The following SFSWAP variants were observed in gnomAD, a reference collection of about 807,000 sequenced individuals.
SFSWAP encodes the protein splicing factor SWAP.
Under a neutral mutation model 100.7 loss-of-function variants are expected in SFSWAP, and 17 were observed. That is an observed-to-expected ratio of 0.17 (90% CI 0.12 to 0.25). SFSWAP has a LOEUF of 0.25. SFSWAP is among the 10% of genes least tolerant of loss of function. The probability of loss-of-function intolerance (pLI) is 1.00; values close to 1 mark genes in which losing one functional copy is unlikely to be tolerated. For missense variants in SFSWAP, 1,005 were observed against 1,262.6 expected (o/e 0.80, Z 3.09); for synonymous variants, 504 against 510.1 (o/e 0.99, Z 0.16).
At chr12:131,775,580 C>T (rs1179115954) in intron 13 of SFSWAP, among the ~76,000 whole-genome samples, 1 of 152,188 alleles carries the variant, frequency 6.6e-6, no homozygotes, top group Non-Finnish European at 1.5e-5. Flanking sequence ...AGAATGGAAG[C>T]CCTCTCCCTT....
chr12:131,793,092 CTT>C (rs555447552), intron 15 of SFSWAP, among the ~76,000 whole-genome samples: 2 of 146,224 alleles, frequency 1.4e-5, no homozygotes, highest in East Asian at 2.0e-4. Flanking sequence ...AAAGGAAAGT[CTT>C]TTTTTTTTTT....
In SFSWAP at chr12:131,734,911, G is replaced by A. The variant is rs894900024; in HGVS notation, c.1081+6483G>A. 7.9e-5 allele frequency among the ~76,000 whole-genome samples: 12 copies of A among 152,056 alleles called. No homozygotes were observed. The highest frequency in any genetic ancestry group is 2.7e-4 in the African/African-American group (11 of 41,378). ...CAGCCGGCATGGCGCATGGGGGTGGGGTGGGGCAGTGAGGGGGGGCCCGCT... is the reference window on the plus strand; with the variant it reads ...CAGCCGGCATGGCGCATGGGGGTGGAGTGGGGCAGTGAGGGGGGGCCCGCT... On this transcript the variant is annotated intron_variant, in intron 7 of 17. Coordinates refer to ENST00000261674, the MANE Select transcript of SFSWAP (RefSeq NM_004592.4). This position sits in a 1 kb window ranked among gnomAD's most constrained non-coding sequence, Gnocchi z 4.9.
chr12:131,711,397 G>C lies in SFSWAP; in HGVS notation c.168G>C (p.Gln56His), dbSNP rs752001195. Reference protein sequence around the residue: ...RDDERALAQEQGQHLIPWMGD... With the variant: ...RDDERALAQEHGQHLIPWMGD... Reference sequence around the variant, plus strand: ...ACGAGCGGGCCCTGGCTCAGGAACAGGGACAGCACCTCATCCCCTGGATGG... The same window carrying C: ...ACGAGCGGGCCCTGGCTCAGGAACACGGACAGCACCTCATCCCCTGGATGG... The change falls in exon 1 of 18, where the codon CAG becomes CAC. Residue 56 changes from glutamine to histidine, a missense_variant. Gln to His is a conservative substitution (Grantham distance 24). Around this residue, in one of 7 missense-constraint regions of SFSWAP, gnomAD observed 237 missense variants for 337.0 expected, o/e 0.70. Transcript: ENST00000261674. The surrounding 1 kb of genome is among the most constrained non-coding windows in gnomAD (Gnocchi z 4.9). 7.4e-6 allele frequency: 12 copies of C among 1,613,772 alleles called. No individual in the cohort carries two copies. Among genetic ancestry groups the C allele is most frequent in the South Asian group, 1.1e-5 (1 of 91,094 alleles).
Position 131,726,939 on chromosome 12 carries a change from G to C in SFSWAP, c.833-1G>C. On this transcript the variant is annotated splice_acceptor_variant, in intron 5 of 17. Transcript: ENST00000261674. LOFTEE classifies it high-confidence loss of function. The stretch of plus-strand genomic sequence containing the variant: ...ATCTTGAAATGTGATTTTGATTTCA[G>C]AATCAGGAGTCAGCTCTGACAATGA... 1.3e-6 allele frequency: 2 copies of C among 1,548,952 alleles called. No individual in the cohort carries two copies. The highest frequency in any genetic ancestry group is 2.7e-5 in the African/African-American group (2 of 73,228).
At chr12:131,722,130 A>G (rs1219344611) in intron 4 of SFSWAP, among the ~76,000 whole-genome samples, 2 of 152,246 alleles carry the variant, frequency 1.3e-5, no homozygotes, top group Non-Finnish European at 2.9e-5. Flanking sequence ...ACTCACTGAC[A>G]AGAGAAGATT....
intron 4 of SFSWAP, among the ~76,000 whole-genome samples, chr12:131,721,168 G>A (rs963561679): frequency 1.3e-5 from 2 of 152,106 alleles, no homozygotes; most frequent in Admixed American, 6.5e-5. Context: ...GAGATGGTGC[G>A]AAACTATTCA....
chr12:131,799,521 G>A lies in SFSWAP; in HGVS notation c.*33G>A. The A allele has an allele frequency of 6.2e-7, 1 of 1,605,432 alleles. No homozygotes were observed. The highest frequency in any genetic ancestry group is 1.3e-5 in the African/African-American group (1 of 74,750). The stretch of plus-strand genomic sequence containing the variant: ...CCAGCGGAGGCAGAGCCGGGAGGCT[G>A]CGTGGGCTTCTGGGCAGGCTCACGC... On this transcript the variant is annotated 3_prime_UTR_variant, in exon 18 of 18. Transcript: ENST00000261674.
chr12:131,751,882 C>T (rs1029428548), intron 7 of SFSWAP, among the ~76,000 whole-genome samples: 1 of 152,174 alleles, frequency 6.6e-6, no homozygotes, highest in African/African-American at 2.4e-5. Context: ...TCTGTGTTGA[C>T]GATAATGTGG....
chr12:131,712,697 C>T (rs1275503262), intron 1 of SFSWAP: 1 of 152,194 alleles, frequency 6.6e-6, no homozygotes, highest in Non-Finnish European at 1.5e-5. Flanking sequence ...GGAATCAGAT[C>T]ATGTCTGGAT....
intron 8 of SFSWAP, chr12:131,753,580 TAA>T: frequency 5.0e-6 from 3 of 602,050 alleles, no homozygotes; most frequent in Non-Finnish European, 8.4e-6. Context: ...AAACCACTTA[TAA>T]AGTTGAATTC....
chr12:131,740,402 C>A (rs1177753014), intron 7 of SFSWAP, among the ~76,000 whole-genome samples: 1 of 152,218 alleles, frequency 6.6e-6, no homozygotes, highest in Non-Finnish European at 1.5e-5. Flanking sequence ...TGACCCAACA[C>A]ATCTGAGGAA....
At position 131,722,434 on chromosome 12, in the gene SFSWAP, G is replaced by A. The variant is rs114233619; in HGVS notation, c.606+2895G>A. ...AAATAATAGGCCAGTGTGGTGGCACGTGCCTGTAGTCCCAGACCTGTTAGG... is the reference window on the plus strand; with the variant it reads ...AAATAATAGGCCAGTGTGGTGGCACATGCCTGTAGTCCCAGACCTGTTAGG... On this transcript the variant is annotated intron_variant, in intron 4 of 17. Transcript: ENST00000261674. 4.6e-3 allele frequency among the ~76,000 whole-genome samples: 695 copies of A among 151,906 alleles called. 8 individuals carry two copies. Among genetic ancestry groups the A allele is most frequent in the African/African-American group, 0.016 (663 of 41,420 alleles).
rs534246413 is a variant in SFSWAP, at chr12:131,718,993, G to A, written c.521-461G>A. On this transcript the variant is annotated intron_variant, in intron 3 of 17. Transcript: ENST00000261674. ...TACAGTTAACCCTTGAACAACACAG[G>A]TTTGAATTGCGTAGGTCCGCTTGTA... Among the ~76,000 whole-genome samples, 4 of 152,284 alleles carry A rather than the reference G, an allele frequency of 2.6e-5. No individual in the cohort carries two copies. In the South Asian group the frequency reaches 6.2e-4, roughly 24 times the overall value.
rs370573203 is a variant in SFSWAP, at chr12:131,711,496, G to C, written c.218+49G>C. ...GATCCTTCCCTTCCCTCACCCGCTT[G>C]ATCTCGTCTGATGTTGACTTGACTG... On this transcript the variant is annotated intron_variant, in intron 1 of 17. Transcript: ENST00000261674. The surrounding 1 kb of genome is among the most constrained non-coding windows in gnomAD (Gnocchi z 4.9). 30 of 1,460,588 alleles carry C rather than the reference G, an allele frequency of 2.1e-5. No homozygotes were observed. Among genetic ancestry groups the C allele is most frequent in the East Asian group, 1.8e-4 (8 of 43,980 alleles). 90.5% of individuals were successfully genotyped at this position (1,460,588 alleles called of 1,614,324 possible). A position where few individuals can be genotyped will look rare whatever the true frequency, so the allele number is the denominator to read the frequency against.
chr12:131,719,172 G>A (rs751395164), intron 3 of SFSWAP, among the ~76,000 whole-genome samples: 3 of 152,242 alleles, frequency 2.0e-5, no homozygotes, highest in East Asian at 3.9e-4. Flanking sequence ...CCTAGAACCA[G>A]TCCCCTGCGT....
intron 12 of SFSWAP, among the ~76,000 whole-genome samples, chr12:131,765,565 T>C (rs1298068149): frequency 6.6e-6 from 1 of 152,036 alleles, no homozygotes; most frequent in African/African-American, 2.4e-5. Context: ...GGAGAATCGC[T>C]TGAACCCGGG....
At chr12:131,789,819 G>A (rs965868781) in intron 15 of SFSWAP, among the ~76,000 whole-genome samples, 15 of 152,190 alleles carry the variant, frequency 9.9e-5, no homozygotes, top group East Asian at 1.9e-4. Flanking sequence ...GCGACATTGC[G>A]TAGCTTCCCA....
At chr12:131,763,378 TA>T (rs1446745201) in intron 11 of SFSWAP, among the ~76,000 whole-genome samples, 1 of 152,196 alleles carries the variant, frequency 6.6e-6, no homozygotes, top group East Asian at 1.9e-4. Flanking sequence ...TCTTCATAAA[TA>T]ACAACTGATG....
At position 131,754,397 on chromosome 12, in the gene SFSWAP, C is replaced by T. The variant is rs760313634; in HGVS notation, c.1352C>T (p.Pro451Leu). ...SALAPVAAII[P>L]PPPDVQPVID... is the part of the protein sequence containing the mutation. ...CTTGCCCCCGTGGCCGCCATCATCC[C>T]CCCGCCCCCCGACGTCCAGCCCGTG... Residue 451 changes from proline to leucine, a missense_variant, in exon 9 of 18, where the codon CCC becomes CTC. By Grantham distance (98) the Pro-to-Leu change is moderately conservative. Coordinates refer to ENST00000261674, the MANE Select transcript of SFSWAP (RefSeq NM_004592.4). The T allele has an allele frequency of 1.3e-6, 2 of 1,593,854 alleles. No individual in the cohort carries two copies. Among genetic ancestry groups the T allele is most frequent in the Non-Finnish European group, 8.5e-7 (1 of 1,172,506 alleles).
Sources: allele counts gnomAD v4.1 joint callset (sites outside exome capture counted in the v4.1 genomes callset), GRCh38; gene constraint gnomAD v4.1.1; regional missense constraint gnomAD v4.1.1; non-coding constraint Gnocchi (gnomAD v3.1); transcripts MANE v1.5; gene names NCBI Gene and HGNC (gene_info 2026-07-23, HGNC 2026-07-21).